Variants in SFRP1 observed in about 807,000 individuals in gnomAD.
SFRP1 encodes secreted frizzled related protein 1, also known as secreted frizzled-related protein 1.
A neutral mutation model predicts 25.9 loss-of-function variants in SFRP1; 9 were observed. The ratio of observed to expected loss-of-function variants is 0.35; its 90% CI spans 0.21 to 0.61. The LOEUF is 0.61. Among genes scored for constraint, SFRP1 ranks in the 20% least tolerant of loss-of-function variants. The probability of loss-of-function intolerance (pLI) is 0.78; values close to 1 mark genes in which losing one functional copy is unlikely to be tolerated. For missense variants in SFRP1, 346 were observed against 418.2 expected, an observed-to-expected ratio of 0.83 and a Z score of 1.51; for synonymous variants, 178 against 174.0, an observed-to-expected ratio of 1.02 and a Z score of -0.18.
intron 2 of SFRP1, among the ~76,000 whole-genome samples, chr8:41,299,375 G>T (rs974443627): frequency 6.6e-6 from 1 of 151,660 alleles, no homozygotes; most frequent in African/African-American, 2.4e-5. Flanking sequence ...GATTCTGGAT[G>T]TTGGGGCTTC....
chr8:41,288,964 C>T (rs572837745), intron 2 of SFRP1, among the ~76,000 whole-genome samples: 2 of 152,320 alleles, frequency 1.3e-5, no homozygotes, highest in South Asian at 4.2e-4. Context: ...CAGTGCCCAG[C>T]CCTGGTCAGA....
chr8:41,296,506 GAA>G (rs33933653), intron 2 of SFRP1, among the ~76,000 whole-genome samples: 4 of 125,506 alleles, frequency 3.2e-5, no homozygotes, highest in Admixed American at 7.8e-5. Flanking sequence ...TGTTCTTCTG[GAA>G]AAAAAAAAAA....
At chr8:41,305,677 T>C (rs1030465542) in intron 1 of SFRP1, among the ~76,000 whole-genome samples, 43 of 152,138 alleles carry the variant, frequency 2.8e-4, no homozygotes, top group African/African-American at 9.4e-4. Flanking sequence ...TTAAAGCAAA[T>C]GAACAAAAAA....
chr8:41,304,405 G>A (rs559203720), intron 1 of SFRP1, among the ~76,000 whole-genome samples: 29 of 152,066 alleles, frequency 1.9e-4, no homozygotes, highest in Admixed American at 1.8e-3. Context: ...AGCTGAAGTG[G>A]CTTATCATCA....
At position 41,263,971 on chromosome 8, in the gene SFRP1, T is replaced by C. The variant is rs1803403943; in HGVS notation, c.*1196A>G. The C allele has an allele frequency of 6.6e-6, 1 of 152,142 alleles. No homozygotes were observed. The highest frequency in any genetic ancestry group is 1.5e-5 in the Non-Finnish European group (1 of 68,034). The allele number at this position is 152,142 out of a possible 1,614,324, so 9.4% of individuals were successfully genotyped here. On this transcript the variant is annotated 3_prime_UTR_variant, in exon 3 of 3. Coordinates refer to ENST00000220772, the MANE Select transcript of SFRP1 (RefSeq NM_003012.5). ...TACAGGAAAGAAAAAAACGGAAAGC[T>C]CTGTGAGTTTTGCTAGGGGGTGTTA...
intron 2 of SFRP1, among the ~76,000 whole-genome samples, chr8:41,303,202 C>T (rs543778189): frequency 4.0e-5 from 6 of 151,762 alleles, no homozygotes; most frequent in Non-Finnish European, 7.4e-5. Flanking sequence ...ATCAGCCTCC[C>T]TGCATGCCTA....
intron 2 of SFRP1, among the ~76,000 whole-genome samples, chr8:41,300,871 G>C (rs1364724881): frequency 6.6e-6 from 1 of 152,330 alleles, no homozygotes; most frequent in Non-Finnish European, 1.5e-5. Flanking sequence ...CCCACATCTG[G>C]TGCTTGATCC....
chr8:41,270,237 T>A (rs1216907434), intron 2 of SFRP1, among the ~76,000 whole-genome samples: 1 of 152,144 alleles, frequency 6.6e-6, no homozygotes, highest in Non-Finnish European at 1.5e-5. Flanking sequence ...GCCACATGGA[T>A]TAGACTGAGC....
chr8:41,308,630 G>T lies in SFRP1; in HGVS notation c.530C>A (p.Ala177Asp). 1 of 1,600,658 alleles carries T rather than the reference G, an allele frequency of 6.2e-7. No homozygotes were observed. Among genetic ancestry groups the T allele is most frequent in the Non-Finnish European group, 8.5e-7 (1 of 1,171,132 alleles). The change falls in exon 1 of 3, where the codon GCC (alanine) becomes GAC (aspartate). Residue 177 changes from alanine to aspartate, a missense_variant. Physicochemically the swap from Ala to Asp is moderately radical, Grantham distance 126. Coordinates refer to ENST00000220772, the MANE Select transcript of SFRP1 (RefSeq NM_003012.5). ...IAMTPPNATEASKPQGTTVCP... is the reference protein window; with the variant it reads ...IAMTPPNATEDSKPQGTTVCP... Reference sequence around the variant, plus strand: ...GGCAGCCTTACCTTGGGGCTTGGAGGCTTCGGTGGCATTGGGCGGCGTCAT... The same window carrying T: ...GGCAGCCTTACCTTGGGGCTTGGAGTCTTCGGTGGCATTGGGCGGCGTCAT...
At chr8:41,286,592 CAGCCA>C (rs1803705358) in intron 2 of SFRP1, among the ~76,000 whole-genome samples, 1 of 152,166 alleles carries the variant, frequency 6.6e-6, no homozygotes, top group Non-Finnish European at 1.5e-5. Context: ...CAAAGAGTCA[CAGCCA>C]CTAGAATGCT....
chr8:41,303,669 C>T (rs1396188426), intron 1 of SFRP1, 131 bp from the exon 2 acceptor site: 8 of 675,492 alleles, frequency 1.2e-5, no homozygotes, highest in Non-Finnish European at 1.8e-5. Flanking sequence ...TGAAGGGGAC[C>T]TGAGAATTGA....
Position 41,308,964 on chromosome 8 carries a change from G to T in SFRP1, c.196C>A (p.Arg66=), listed in dbSNP as rs1282525022. The change falls in exon 1 of 3, where the codon CGG becomes AGG. Residue 66 remains arginine (R), a synonymous_variant. Coordinates refer to ENST00000220772, the MANE Select transcript of SFRP1 (RefSeq NM_003012.5). ...PQCVDIPADL[R]LCHNVGYKKM... The stretch of plus-strand genomic sequence containing the variant: ...TTGTAGCCCACGTTGTGGCACAGCC[G>T]CAGGTCCGCGGGGATGTCCACGCAC... 6.2e-7 allele frequency: 1 copy of T among 1,613,392 alleles called. No individual in the cohort carries two copies. Among genetic ancestry groups the T allele is most frequent in the Admixed American group, 1.7e-5 (1 of 60,014 alleles).
chr8:41,309,239 G>A lies in SFRP1; in HGVS notation c.-80C>T, dbSNP rs1305800319. The A allele has an allele frequency of 6.6e-5, 82 of 1,246,160 alleles. No individual in the cohort carries two copies. The highest frequency in any genetic ancestry group is 7.7e-5 in the Non-Finnish European group (77 of 998,628). The allele number at this position is 1,246,160 out of a possible 1,614,324, so 77.2% of individuals were successfully genotyped here. ...GCGCGCGTCCTGCCGCAAACTTCCA[G>A]GGACCTCCGGGGACAAAAGGCGCAG... On this transcript the variant is annotated 5_prime_UTR_variant, in exon 1 of 3. Transcript: ENST00000220772.
intron 2 of SFRP1, among the ~76,000 whole-genome samples, chr8:41,272,567 C>T (rs1419709719): frequency 6.6e-6 from 1 of 152,168 alleles, no homozygotes; most frequent in Non-Finnish European, 1.5e-5. Flanking sequence ...TGAGATTACA[C>T]CACTGCACTC....
In SFRP1 at chr8:41,308,851, CTTG is replaced by C; in HGVS notation, c.306_308del (p.Asn102del). 6.2e-7 allele frequency: 1 copy of C among 1,610,322 alleles called. No individual in the cohort carries two copies. The highest frequency in any genetic ancestry group is 8.5e-7 in the Non-Finnish European group (1 of 1,179,542). ...AGACCTGGGTGCCGGCGTGGCAGTT[CTTG>C]TTGAGCAGGGGCACCCAGCTGCTGG... On this transcript the variant is annotated inframe_deletion, in exon 1 of 3. Transcript: ENST00000220772.
intron 2 of SFRP1, among the ~76,000 whole-genome samples, chr8:41,283,276 T>C (rs1803657768): frequency 6.6e-6 from 1 of 152,210 alleles, no homozygotes; most frequent in Admixed American, 6.5e-5. Context: ...TCCGAGTCCC[T>C]TTCAGAGTGT....
chr8:41,280,092 C>T (rs1297901124), intron 2 of SFRP1, among the ~76,000 whole-genome samples: 1 of 152,230 alleles, frequency 6.6e-6, no homozygotes, highest in Non-Finnish European at 1.5e-5. Flanking sequence ...CCAAGCCACA[C>T]ACCTTCCCCG....
At chr8:41,272,676 A>G (rs375723504) in intron 2 of SFRP1, among the ~76,000 whole-genome samples, 1 of 152,228 alleles carries the variant, frequency 6.6e-6, no homozygotes, top group Non-Finnish European at 1.5e-5. Context: ...TCATGAAAAG[A>G]TGAACAAAAT....
chr8:41,273,375 G>A (rs181337028), intron 2 of SFRP1, among the ~76,000 whole-genome samples: 193 of 134,322 alleles, frequency 1.4e-3, no homozygotes, highest in African/African-American at 4.9e-3. Context: ...CCTGTGGGCC[G>A]ATCTACTCAG....
Sources: allele counts gnomAD v4.1 joint callset (sites outside exome capture counted in the v4.1 genomes callset), GRCh38; gene constraint gnomAD v4.1.1; transcripts MANE v1.5; gene names NCBI Gene and HGNC (gene_info 2026-07-23, HGNC 2026-07-21).